Variants in DUS1L observed in about 807,000 individuals in gnomAD.
The protein encoded by DUS1L is tRNA-dihydrouridine(16/17) synthase [NAD(P)(+)]-like.
A neutral mutation model predicts 61.2 loss-of-function variants in DUS1L; 56 were observed. The observed-to-expected ratio is 0.92, with a 90% CI of 0.74 to 1.14. The LOEUF (loss-of-function observed/expected upper bound fraction) is 1.14. DUS1L is among the 50% of genes most tolerant of loss of function. DUS1L has a pLI of 0.00. For synonymous variants in DUS1L, 278 were observed against 259.5 expected (o/e 1.07, Z -0.69); for missense variants, 630 against 632.4 (o/e 1.00, Z 0.04).
At chr17:82,064,102 C>T (rs1184159929) in intron 3 of DUS1L, 24 bp downstream of exon 3, 2 of 1,602,412 alleles carry the variant, frequency 1.2e-6, no homozygotes, top group Non-Finnish European at 1.7e-6. Flanking sequence ...CCCCAGGTGC[C>T]CCCATGCTCC....
chr17:82,058,384 G>C lies in DUS1L; in HGVS notation c.1239C>G (p.Gly413=). 1 of 1,490,108 alleles carries C rather than the reference G, an allele frequency of 6.7e-7. No homozygotes were observed. Among genetic ancestry groups the C allele is most frequent in the Non-Finnish European group, 8.9e-7 (1 of 1,117,534 alleles). 92.3% of individuals were successfully genotyped at this position (1,490,108 alleles called of 1,614,324 possible). Residue 413 remains glycine, a synonymous_variant, in exon 13 of 14, where the codon GGC becomes GGG. Coordinates refer to ENST00000306796, the MANE Select transcript of DUS1L (RefSeq NM_022156.5). ...GNRCVFSLCR[G]CCKKRASKET... ...CTTTGGAGGCTCGCTTCTTGCAGCAGCCGCGGCACAGGCTGAACACACATC... is the reference window on the plus strand; with the variant it reads ...CTTTGGAGGCTCGCTTCTTGCAGCACCCGCGGCACAGGCTGAACACACATC...
At chr17:82,058,863 C>T (rs756554306) in intron 11 of DUS1L, 45 bp from the exon 12 acceptor site, 1 of 1,571,442 alleles carries the variant, frequency 6.4e-7, no homozygotes, top group East Asian at 2.2e-5. Context: ...GGCCAGGGTG[C>T]CCTGGCTGTG....
chr17:82,060,326 C>T (rs1040256437), intron 10 of DUS1L: 1 of 614,618 alleles, frequency 1.6e-6, no homozygotes, highest in African/African-American at 1.8e-5. Context: ...ACCACCAGCT[C>T]CAGGGAGGGC....
Position 82,057,527 on chromosome 17 carries a change from G to A in DUS1L, c.*588C>T. 2.9e-6 allele frequency: 1 copy of A among 344,518 alleles called. No homozygotes were observed. Among genetic ancestry groups the A allele is most frequent in the South Asian group, 2.3e-5 (1 of 43,400 alleles). The allele number at this position is 344,518 out of a possible 1,614,324, so 21.3% of individuals were successfully genotyped here. On this transcript the variant is annotated 3_prime_UTR_variant, in exon 14 of 14. Coordinates refer to ENST00000306796, the MANE Select transcript of DUS1L (RefSeq NM_022156.5). ...TCTGGTCACCCCTGGGTGGCCTTGGGTTCCTGAGGGCTGTCTCCCTGGGAC... is the reference window on the plus strand; with the variant it reads ...TCTGGTCACCCCTGGGTGGCCTTGGATTCCTGAGGGCTGTCTCCCTGGGAC...
At position 82,061,209 on chromosome 17, in the gene DUS1L, G is replaced by T. The variant is rs778481501; in HGVS notation, c.842C>A (p.Thr281Lys). Residue 281 changes from threonine to lysine, a missense_variant and splice_region_variant, in exon 8 of 14, where the codon ACG (threonine) becomes AAG (lysine). Physicochemically the swap from Thr to Lys is moderately conservative, Grantham distance 78. Transcript: ENST00000306796. Reference protein sequence around the residue: ...RAHLFKLWHHTLQVHQELREE... With the variant: ...RAHLFKLWHHKLQVHQELREE... ...GCTTCTGCCTTAGGGGGCAACTCAC[G>T]TGTGGTGCCACAGCTTGAAGAGGTG... 5.0e-6 allele frequency: 8 copies of T among 1,586,334 alleles called. No individual in the cohort carries two copies. Among genetic ancestry groups the T allele is most frequent in the Non-Finnish European group, 6.9e-6 (8 of 1,163,250 alleles).
At chr17:82,060,469 C>T (rs2033426020) in intron 10 of DUS1L, 5 of 595,934 alleles carry the variant, frequency 8.4e-6, no homozygotes, top group Admixed American at 3.0e-5. Context: ...AAAATCCGAG[C>T]GTCCACTGAG....
rs779492736 is a variant in DUS1L, at chr17:82,058,652, A to G, written c.1206+129T>C. 9 of 1,550,074 alleles carry G rather than the reference A, an allele frequency of 5.8e-6. No homozygotes were observed. In the South Asian group the frequency reaches 1.1e-4, roughly 19 times the overall value. On this transcript the variant is annotated intron_variant, in intron 12 of 13. Coordinates refer to ENST00000306796, the MANE Select transcript of DUS1L (RefSeq NM_022156.5). ...AGCAAGGGGCCGTCCTGAGGCATCC[A>G]TGCCACCTTGAGCCACGTTGCAAAC...
At chr17:82,063,194 C>T (rs1392069728) in intron 4 of DUS1L, 26 of 630,622 alleles carry the variant, frequency 4.1e-5, no homozygotes, top group Non-Finnish European at 5.8e-5. Context: ...GGGCCAAGGC[C>T]GGCTCTGTCT....
At chr17:82,060,992 G>A in intron 8 of DUS1L, 31 bp from the exon 9 acceptor site, 4 of 1,597,860 alleles carry the variant, frequency 2.5e-6, no homozygotes. Flanking sequence ...CGCAGGCTGG[G>A]CTCCCGGCTC....
intron 11 of DUS1L, chr17:82,059,564 C>G (rs937022132): frequency 4.9e-5 from 10 of 204,466 alleles, no homozygotes; most frequent in South Asian, 1.4e-4. Flanking sequence ...TTTGGCCCAG[C>G]AACAAGACCC....
At position 82,062,870 on chromosome 17, in the gene DUS1L, G is replaced by A. The variant is rs114799231; in HGVS notation, c.501C>T (p.Ala167=). The stretch of plus-strand genomic sequence containing the variant: ...CGAGCCCAGGGCTCACCTGGCAGCC[G>A]GCCTTCTCCAGCATCTGGGCGTACC... ...TVRYAQMLEK[A]GCQLLTVHGR... The change falls in exon 5 of 14, where the codon GCC becomes GCT. Residue 167 remains alanine (A), a synonymous_variant. Transcript: ENST00000306796. 2.2e-4 allele frequency: 348 copies of A among 1,612,662 alleles called. No individual in the cohort carries two copies. The highest frequency in any genetic ancestry group is 2.1e-3 in the African/African-American group (161 of 75,078).
In DUS1L at chr17:82,061,350, C is replaced by T; in HGVS notation, c.701G>A (p.Gly234Asp). Residue 234 changes from glycine (G) to aspartate (D), a missense_variant, in exon 8 of 14, where the codon GGC (glycine) becomes GAC (aspartate). Transcript: ENST00000306796. ...TGVQGVMSAE[G>D]NLHNPALFEG... Reference sequence around the variant, plus strand: ...GAACAGGGCGGGGTTGTGCAGGTTGCCCTCTGTGGGAGGAGGAGCGGGGAA... The same window carrying T: ...GAACAGGGCGGGGTTGTGCAGGTTGTCCTCTGTGGGAGGAGGAGCGGGGAA... 3 of 1,573,172 alleles carry T rather than the reference C, an allele frequency of 1.9e-6. No homozygotes were observed. The highest frequency in any genetic ancestry group is 1.4e-5 in the African/African-American group (1 of 73,926).
chr17:82,057,990 C>G lies in DUS1L; in HGVS notation c.*125G>C. On this transcript the variant is annotated 3_prime_UTR_variant, in exon 14 of 14. Transcript: ENST00000306796. ...GCATTTCCAGGCCCCCAGAGTGGGC[C>G]GAAGGGGGACATGGGCGTGTCTTTC... is the stretch of plus-strand genomic sequence containing the variant. 1 of 1,298,480 alleles carries G rather than the reference C, an allele frequency of 7.7e-7. No individual in the cohort carries two copies. Among genetic ancestry groups the G allele is most frequent in the Non-Finnish European group, 1.0e-6 (1 of 984,250 alleles). 80.4% of individuals were successfully genotyped at this position (1,298,480 alleles called of 1,614,324 possible).
chr17:82,060,473 C>T, intron 10 of DUS1L: 1 of 599,772 alleles, frequency 1.7e-6, no homozygotes, highest in Non-Finnish European at 2.9e-6. Flanking sequence ...TCCGAGCGTC[C>T]ACTGAGGGAG....
intron 12 of DUS1L, 41 bp downstream of exon 12, chr17:82,058,740 A>C (rs1420897122): frequency 1.9e-6 from 3 of 1,612,540 alleles, no homozygotes; most frequent in Non-Finnish European, 1.7e-6. Context: ...GCCCACCCCC[A>C]AAGCTGAAGC....
At position 82,061,934 on chromosome 17, in the gene DUS1L, C is replaced by T. The variant is rs1463175568; in HGVS notation, c.560G>A (p.Gly187Asp). ...RTKEQKGPLS[G>D]AASWEHIKAV... ...CTTGATATGCTCCCAGGACGCTGCA[C>T]CCGACAGGGGCCCCTTCTGCTCCTT... Residue 187 changes from glycine to aspartate, a missense_variant, in exon 6 of 14, where the codon GGT (glycine) becomes GAT (aspartate). By Grantham distance (94) the Gly-to-Asp change is moderately conservative. Transcript: ENST00000306796. 6.2e-7 allele frequency: 1 copy of T among 1,611,010 alleles called. No homozygotes were observed. Among genetic ancestry groups the T allele is most frequent in the Non-Finnish European group, 8.5e-7 (1 of 1,178,902 alleles).
chr17:82,060,358 C>G (rs1043833747), intron 10 of DUS1L: 1 of 588,468 alleles, frequency 1.7e-6, no homozygotes, highest in Non-Finnish European at 3.0e-6. Flanking sequence ...ATGGCCTCAC[C>G]TCTGAGAACC....
At chr17:82,059,577 GCA>G in intron 11 of DUS1L, 1 of 240,884 alleles carries the variant, frequency 4.2e-6, no homozygotes, top group Non-Finnish European at 8.0e-6. Context: ...CAAGACCCAT[GCA>G]CACACTCCCG....
intron 10 of DUS1L, 175 bp downstream of exon 10, chr17:82,060,526 G>A (rs2033430825): frequency 1.3e-6 from 1 of 749,140 alleles, no homozygotes; most frequent in Non-Finnish European, 2.1e-6. Flanking sequence ...GGACACCGAG[G>A]GGCACGTGGA....
Sources: allele counts gnomAD v4.1 joint callset, GRCh38; gene constraint gnomAD v4.1.1; transcripts MANE v1.5; gene names NCBI Gene and HGNC (gene_info 2026-07-23, HGNC 2026-07-21).